The following RSPO3 variants were observed in gnomAD, a reference collection of about 807,000 sequenced individuals.
The protein encoded by RSPO3 is R-spondin-3.
RSPO3 carries 17 observed loss-of-function variants against 36.5 expected under a neutral mutation model. The observed-to-expected ratio is 0.47, with a 90% CI of 0.32 to 0.70. RSPO3 has a LOEUF of 0.70. RSPO3 is among the 30% of genes least tolerant of loss of function. The pLI is 0.04. For synonymous variants in RSPO3, 108 were observed against 107.0 expected, an observed-to-expected ratio of 1.01 and a Z score of -0.06; for missense variants, 294 against 322.5, an observed-to-expected ratio of 0.91 and a Z score of 0.68.
rs146099442 is a variant in RSPO3 at position 127,137,249 on chromosome 6, G to T, written c.98-11399G>T. ...TTCCTAAAAATATAAAAATTAGTCA[G>T]CCATGTTGGTGTGAACCTGTAGTCC... On this transcript the variant is annotated intron_variant, in intron 1 of 4. Coordinates refer to ENST00000356698, the MANE Select transcript of RSPO3 (RefSeq NM_032784.5). 4.1e-4 allele frequency among the ~76,000 whole-genome samples: 62 copies of T among 152,220 alleles called. 1 individual carries two copies. The East Asian group carries it at 7.6e-3, about 19-fold the overall frequency.
In RSPO3 at chr6:127,150,588, A is replaced by T. The variant is rs762317823; in HGVS notation, c.436+16A>T. 65 of 1,597,996 alleles carry T rather than the reference A, an allele frequency of 4.1e-5. 1 individual carries two copies. The East Asian group carries it at 4.7e-4, about 12-fold the overall frequency. On this transcript the variant is annotated intron_variant, in intron 3 of 4. Transcript: ENST00000356698. ...GTCAGTATTGGTAAGGAGAACCTGT[A>T]ATAATTTGAGTAAGTGATAATGTCA...
intron 4 of RSPO3, among the ~76,000 whole-genome samples, chr6:127,185,449 C>T (rs1775273290): frequency 6.6e-6 from 1 of 151,924 alleles, no homozygotes; most frequent in African/African-American, 2.4e-5. Context: ...AAATCTGCAA[C>T]AAAAGAAGAA....
chr6:127,148,537 T>C (rs1266106609), intron 1 of RSPO3, 111 bp from the exon 2 acceptor site: 4 of 750,178 alleles, frequency 5.3e-6, no homozygotes, highest in Admixed American at 3.1e-5. Flanking sequence ...CATTCACCCA[T>C]TACCAACAAA....
intron 1 of RSPO3, among the ~76,000 whole-genome samples, chr6:127,140,280 C>G (rs960257958): frequency 6.6e-6 from 1 of 151,958 alleles, no homozygotes; most frequent in Non-Finnish European, 1.5e-5. Context: ...GCTTTTTATT[C>G]TTTCTTTGTT....
chr6:127,136,397 G>T (rs773694454), intron 1 of RSPO3, among the ~76,000 whole-genome samples: 1 of 152,042 alleles, frequency 6.6e-6, no homozygotes, highest in Non-Finnish European at 1.5e-5. Context: ...TACACATGCC[G>T]TACTCTCATC....
intron 4 of RSPO3, among the ~76,000 whole-genome samples, chr6:127,164,625 G>A (rs1380434614): frequency 2.0e-5 from 3 of 151,984 alleles, no homozygotes; most frequent in African/African-American, 7.2e-5. Context: ...GAATTGTGCA[G>A]GCTTAAGTAA....
At chr6:127,135,032 G>A (rs1255422269) in intron 1 of RSPO3, among the ~76,000 whole-genome samples, 1 of 152,158 alleles carries the variant, frequency 6.6e-6, no homozygotes, top group Non-Finnish European at 1.5e-5. Context: ...AAAACGTGAG[G>A]GTGTGAGAAA....
intron 1 of RSPO3, among the ~76,000 whole-genome samples, chr6:127,141,647 CCT>C (rs1174638834): frequency 1.3e-5 from 2 of 152,166 alleles, no homozygotes; most frequent in African/African-American, 4.8e-5. Flanking sequence ...TGAAGACATT[CCT>C]CTCTGAGACT....
intron 1 of RSPO3, among the ~76,000 whole-genome samples, chr6:127,140,398 T>C (rs1460441156): frequency 2.0e-5 from 3 of 152,156 alleles, no homozygotes; most frequent in Non-Finnish European, 4.4e-5. Context: ...CTAAAATTAC[T>C]GCTAGAGAAA....
intron 4 of RSPO3, among the ~76,000 whole-genome samples, chr6:127,174,539 G>A (rs1775008878): frequency 6.6e-6 from 1 of 151,800 alleles, no homozygotes; most frequent in African/African-American, 2.4e-5. Context: ...TTCTGTGCTA[G>A]CTTTTATTTT....
At position 127,171,589 on chromosome 6, in the gene RSPO3, A is replaced by T. The variant is rs183560196; in HGVS notation, c.634+16151A>T. Among the ~76,000 whole-genome samples the T allele has an allele frequency of 1.1e-4, 17 of 151,900 alleles. No homozygotes were observed. In the South Asian group the frequency reaches 1.7e-3, roughly 15 times the overall value. On this transcript the variant is annotated intron_variant, in intron 4 of 4. Transcript: ENST00000356698. ...TTCCTAAAACATATACTGTATACAT[A>T]ACCTTTAGCTTGTTGTAATGTTTAA...
chr6:127,119,440 C>T, intron 1 of RSPO3, 151 bp downstream of exon 1: 1 of 637,170 alleles, frequency 1.6e-6, no homozygotes, highest in South Asian at 2.0e-5. Context: ...GGGGTATGGA[C>T]GGCGTCTTTC....
intron 1 of RSPO3, among the ~76,000 whole-genome samples, chr6:127,125,301 C>G (rs1195823445): frequency 1.3e-5 from 2 of 152,112 alleles, no homozygotes; most frequent in Non-Finnish European, 2.9e-5. Flanking sequence ...TAATTAATTG[C>G]AAGTATCATA....
chr6:127,177,895 G>C (rs1449009536), intron 4 of RSPO3, among the ~76,000 whole-genome samples: 1 of 151,082 alleles, frequency 6.6e-6, no homozygotes, highest in African/African-American at 2.4e-5. Context: ...TAGTTCTCTT[G>C]GTTTTTTTTT....
intron 4 of RSPO3, among the ~76,000 whole-genome samples, chr6:127,176,688 C>T (rs1481433709): frequency 6.6e-6 from 1 of 151,752 alleles, no homozygotes; most frequent in Admixed American, 6.6e-5. Context: ...AGGGTTTGAA[C>T]AATGAAAAAG....
At chr6:127,183,192 T>C (rs1048018861) in intron 4 of RSPO3, among the ~76,000 whole-genome samples, 8 of 151,998 alleles carry the variant, frequency 5.3e-5, no homozygotes, top group African/African-American at 1.4e-4. Flanking sequence ...AGAACTCAAA[T>C]GCCTTCTGGA....
At chr6:127,177,771 T>C (rs1294789305) in intron 4 of RSPO3, among the ~76,000 whole-genome samples, 1 of 147,148 alleles carries the variant, frequency 6.8e-6, no homozygotes, top group Non-Finnish European at 1.5e-5. Flanking sequence ...AAGAAGCCAA[T>C]TTTTTTTTTT....
chr6:127,122,277 T>G (rs879278665), intron 1 of RSPO3, among the ~76,000 whole-genome samples: 8 of 152,210 alleles, frequency 5.3e-5, no homozygotes, highest in Non-Finnish European at 1.0e-4. Flanking sequence ...AAATGTCTAT[T>G]TAGTTATGGG....
chr6:127,121,507 G>C (rs1773844942), intron 1 of RSPO3, among the ~76,000 whole-genome samples: 1 of 152,204 alleles, frequency 6.6e-6, no homozygotes, highest in Non-Finnish European at 1.5e-5. Flanking sequence ...CCACAGCGAT[G>C]CTCTTGCTCC....
Sources: allele counts gnomAD v4.1 joint callset (sites outside exome capture counted in the v4.1 genomes callset), GRCh38; gene constraint gnomAD v4.1.1; transcripts MANE v1.5; gene names NCBI Gene and HGNC (gene_info 2026-07-23, HGNC 2026-07-21).